The following LFNG variants were observed in gnomAD, a reference collection of about 807,000 sequenced individuals.
The protein encoded by LFNG is LFNG O-fucosylpeptide 3-beta-N-acetylglucosaminyltransferase.
LFNG carries 15 observed loss-of-function variants against 32.7 expected under a neutral mutation model. That is an observed-to-expected ratio of 0.46 (90% CI 0.31 to 0.71). The LOEUF is 0.71. LFNG is among the 30% of genes least tolerant of loss of function. The pLI, the probability that LFNG is intolerant of heterozygous loss-of-function variation, is 0.06. For missense variants in LFNG, 520 were observed against 545.7 expected (o/e 0.95, Z 0.47); for synonymous variants, 274 against 246.8 (o/e 1.11, Z -1.03).
chr7:2,515,356 C>G (rs554924546), upstream of LFNG, among the ~76,000 whole-genome samples: 4 of 152,304 alleles, frequency 2.6e-5, no homozygotes, highest in African/African-American at 9.6e-5. Context: ...TGACAAGCAG[C>G]AAGAGGCAGC....
rs886411917 is a variant in LFNG, at chr7:2,528,059, T to A, written c.*847T>A. 49 of 728,702 alleles carry A rather than the reference T, an allele frequency of 6.7e-5. No homozygotes were observed. The African/African-American group carries it at 9.6e-4, about 14-fold the overall frequency. The allele number at this position is 728,702 out of a possible 1,614,324, so 45.1% of individuals were successfully genotyped here. A position where few individuals can be genotyped will look rare whatever the true frequency, so the allele number is the denominator to read the frequency against. ...TGGGTAAAAAGTAGGGTGTTCTTGT[T>A]TTTTGCTTGGGAGGGTGGGGGTGGG... On this transcript the variant is annotated 3_prime_UTR_variant, in exon 8 of 8. Transcript: ENST00000222725.
chr7:2,525,643 C>T (rs1219872633), intron 4 of LFNG, 42 bp from the exon 5 acceptor site: 1 of 1,611,858 alleles, frequency 6.2e-7, no homozygotes, highest in Non-Finnish European at 8.5e-7. Context: ...CCGTGAGGGG[C>T]AGCAGCGCCT....
upstream of LFNG, among the ~76,000 whole-genome samples, chr7:2,514,035 G>A (rs951411238): frequency 3.9e-5 from 6 of 152,250 alleles, no homozygotes; most frequent in Admixed American, 3.9e-4. Flanking sequence ...AAGACCAACA[G>A]TTAGAGTGAG....
At chr7:2,514,863 T>TCC (rs1779581548), upstream of LFNG, among the ~76,000 whole-genome samples, 6 of 97,964 alleles carry the variant, frequency 6.1e-5, no homozygotes, top group East Asian at 2.4e-4. Context: ...TTCATCTGTC[T>TCC]ATCCATCCAT....
chr7:2,523,341 C>A (rs1779845937), intron 1 of LFNG, among the ~76,000 whole-genome samples: 1 of 152,070 alleles, frequency 6.6e-6, no homozygotes, highest in Non-Finnish European at 1.5e-5. Flanking sequence ...GCCTGCCACC[C>A]CCTTAGCTCT....
rs1779977188 is a variant in LFNG at position 2,526,420 on chromosome 7, C to T, written c.987+11C>T. 5 of 1,604,876 alleles carry T rather than the reference C, an allele frequency of 3.1e-6. No individual in the cohort carries two copies. The highest frequency in any genetic ancestry group is 4.2e-6 in the Non-Finnish European group (5 of 1,179,842). On this transcript the variant is annotated intron_variant, in intron 6 of 7. Transcript: ENST00000222725. The surrounding 1 kb of genome is among the most constrained non-coding windows in gnomAD (Gnocchi z 6.9). ...GAGCTCCACGAGCAGGTGCACCATC[C>T]TCCGGGCCCCGCCAGGACTCCGAGA...
At chr7:2,521,685 C>G (rs1366989832) in intron 1 of LFNG, among the ~76,000 whole-genome samples, 8 of 152,234 alleles carry the variant, frequency 5.3e-5, no homozygotes, top group African/African-American at 9.6e-5. Context: ...ACCACCAGCT[C>G]TGAGCACCTC....
At chr7:2,522,563 G>A (rs1779822684) in intron 1 of LFNG, among the ~76,000 whole-genome samples, 1 of 130,776 alleles carries the variant, frequency 7.6e-6, no homozygotes, top group South Asian at 2.8e-4. Flanking sequence ...CTTCCTGTGG[G>A]TGTCCCCCGG....
Position 2,528,199 on chromosome 7 carries a change from T to G in LFNG, c.*987T>G. 8.1e-6 allele frequency: 8 copies of G among 985,872 alleles called. No individual in the cohort carries two copies. Among genetic ancestry groups the G allele is most frequent in the Non-Finnish European group, 8.4e-6 (7 of 829,940 alleles). The allele number at this position is 985,872 out of a possible 1,614,324, so 61.1% of individuals were successfully genotyped here. Reference sequence around the variant, plus strand: ...GACTGTCTGGCACTCTGTGTATTTATGCGTTCCAGCATCTGGAACCTCCCA... The same window carrying G: ...GACTGTCTGGCACTCTGTGTATTTAGGCGTTCCAGCATCTGGAACCTCCCA... On this transcript the variant is annotated 3_prime_UTR_variant, in exon 8 of 8. Coordinates refer to ENST00000222725, the MANE Select transcript of LFNG (RefSeq NM_001040167.2).
chr7:2,520,537 A>C lies in LFNG; in HGVS notation c.432+244A>C, dbSNP rs1222426499. 1.3e-5 allele frequency among the ~76,000 whole-genome samples: 2 copies of C among 152,244 alleles called. No individual in the cohort carries two copies. The highest frequency in any genetic ancestry group is 2.4e-5 in the African/African-American group (1 of 41,470). On this transcript the variant is annotated intron_variant, in intron 1 of 7. Transcript: ENST00000222725. The surrounding 1 kb of genome is among the most constrained non-coding windows in gnomAD (Gnocchi z 5.0). The stretch of plus-strand genomic sequence containing the variant: ...CAGCTCCAGAGTCCTGGATGGCTGC[A>C]GGACCCTACACCAGTCTCCAGTGCT...
At chr7:2,521,682 G>T (rs971194691) in intron 1 of LFNG, among the ~76,000 whole-genome samples, 12 of 152,214 alleles carry the variant, frequency 7.9e-5, no homozygotes, top group Admixed American at 7.9e-4. Context: ...GCTACCACCA[G>T]CTCTGAGCAC....
upstream of LFNG, chr7:2,518,551 T>C: frequency 7.0e-6 from 10 of 1,432,740 alleles, no homozygotes; most frequent in Non-Finnish European, 9.9e-6. Context: ...GTTCCAGGTC[T>C]GAATGACACC....
At position 2,526,188 on chromosome 7, in the gene LFNG, C is replaced by T. The variant is rs1779965998; in HGVS notation, c.822-56C>T. ...CCTTTGCCTGGTGGGGCCTCCCCAG[C>T]TCCCAGCAGATGGCTCCCGCCTCTG... On this transcript the variant is annotated intron_variant, in intron 5 of 7. Transcript: ENST00000222725. The surrounding 1 kb of genome is among the most constrained non-coding windows in gnomAD (Gnocchi z 6.9). 12 of 1,598,754 alleles carry T rather than the reference C, an allele frequency of 7.5e-6. No individual in the cohort carries two copies. In the East Asian group the frequency reaches 2.2e-4, roughly 30 times the overall value.
Position 2,525,440 on chromosome 7 carries a change from A to G in LFNG, c.608A>G (p.Asn203Ser). 1 of 1,612,880 alleles carries G rather than the reference A, an allele frequency of 6.2e-7. No individual in the cohort carries two copies. The highest frequency in any genetic ancestry group is 8.5e-7 in the Non-Finnish European group (1 of 1,179,868). ...RKWFCHVDDD[N>S]YVNLRALLRL... ...TGGTTCTGCCACGTGGACGATGACAACTACGTCAACCTGCGGGCCCTGCTG... is the reference window on the plus strand; with the variant it reads ...TGGTTCTGCCACGTGGACGATGACAGCTACGTCAACCTGCGGGCCCTGCTG... The change falls in exon 4 of 8, where the codon AAC becomes AGC. Residue 203 changes from asparagine to serine, a missense_variant. By Grantham distance (46) the Asn-to-Ser change is conservative. Transcript: ENST00000222725.
intron 1 of LFNG, among the ~76,000 whole-genome samples, chr7:2,521,832 A>C (rs908994947): frequency 6.6e-6 from 1 of 152,178 alleles, no homozygotes; most frequent in African/African-American, 2.4e-5. Flanking sequence ...TCCTTCCAGG[A>C]GCACGTTGTA....
chr7:2,513,331 G>A (rs767742349), upstream of LFNG: 24 of 1,591,176 alleles, frequency 1.5e-5, no homozygotes, highest in Non-Finnish European at 2.1e-5. Context: ...CTCAGCAGGT[G>A]TGATCGCCAT....
upstream of LFNG, among the ~76,000 whole-genome samples, chr7:2,519,168 T>C (rs1779704144): frequency 6.6e-6 from 1 of 152,126 alleles, no homozygotes; most frequent in Admixed American, 6.5e-5. Context: ...GGAATTTGGT[T>C]CTGGTGCTTT....
At chr7:2,521,103 C>T (rs1583272786) in intron 1 of LFNG, among the ~76,000 whole-genome samples, 1 of 152,114 alleles carries the variant, frequency 6.6e-6, no homozygotes, top group Non-Finnish European at 1.5e-5. Context: ...CAGGGAAGAC[C>T]CTGCACGCCT....
chr7:2,519,568 G>GC (rs1779719272), upstream of LFNG, among the ~76,000 whole-genome samples: 2 of 150,914 alleles, frequency 1.3e-5, no homozygotes, highest in African/African-American at 4.8e-5. Context: ...GGGCGGGGGG[G>GC]GTGCGGGGCG....
Sources: allele counts gnomAD v4.1 joint callset (sites outside exome capture counted in the v4.1 genomes callset), GRCh38; gene constraint gnomAD v4.1.1; non-coding constraint Gnocchi (gnomAD v3.1); transcripts MANE v1.5; gene names NCBI Gene and HGNC (gene_info 2026-07-23, HGNC 2026-07-21).